The following SLC16A13 variants were observed in gnomAD, a reference collection of about 807,000 sequenced individuals.
The protein encoded by SLC16A13 is solute carrier family 16 member 13.
SLC16A13 carries 28 observed loss-of-function variants against 28.1 expected under a neutral mutation model. The observed-to-expected ratio is 1.00, with a 90% confidence interval of 0.74 to 1.37. SLC16A13 has a LOEUF of 1.37. Ranked by LOEUF, SLC16A13 falls within the 40% of genes most tolerant of loss-of-function variation. SLC16A13 has a pLI of 0.00. For missense variants in SLC16A13, 482 were observed against 531.8 expected, an observed-to-expected ratio of 0.91 and a Z score of 0.92; for synonymous variants, 228 against 241.6, an observed-to-expected ratio of 0.94 and a Z score of 0.52.
In SLC16A13 at chr17:7,036,175, G is replaced by A. The variant is rs1481700687; in HGVS notation, c.-208G>A. 1 of 521,936 alleles carries A rather than the reference G, an allele frequency of 1.9e-6. No individual in the cohort carries two copies. Among genetic ancestry groups the A allele is most frequent in the Non-Finnish European group, 3.4e-6 (1 of 297,476 alleles). The allele number at this position is 521,936 out of a possible 1,614,324, so 32.3% of individuals were successfully genotyped here. ...CGGGAGACTCTGGCCCGGCCAGCGC[G>A]GGCCAGGTCTTCAGTCCTATATCGC... On this transcript the variant is annotated 5_prime_UTR_variant, in exon 1 of 4. Transcript: ENST00000308027.
In SLC16A13 at chr17:7,038,130, A is replaced by C. The variant is rs368188490; in HGVS notation, c.344-22A>C. On this transcript the variant is annotated intron_variant, in intron 2 of 3. Coordinates refer to ENST00000308027, the MANE Select transcript of SLC16A13 (RefSeq NM_201566.3). The surrounding 1 kb of genome is among the most constrained non-coding windows in gnomAD (Gnocchi z 5.7). ...CTTGAGCTCCCTAAGAGTTCTCAACACCACTTCTTCCTTTTTGACAGGCTC... is the reference window on the plus strand; with the variant it reads ...CTTGAGCTCCCTAAGAGTTCTCAACCCCACTTCTTCCTTTTTGACAGGCTC... 5 of 1,598,922 alleles carry C rather than the reference A, an allele frequency of 3.1e-6. No homozygotes were observed. The highest frequency in any genetic ancestry group is 3.4e-6 in the Non-Finnish European group (4 of 1,172,528).
rs1327062804 is a variant in SLC16A13, at chr17:7,039,333, G to A, written c.1082-430G>A. Among the ~76,000 whole-genome samples the A allele has an allele frequency of 3.9e-5, 6 of 152,082 alleles. No individual in the cohort carries two copies. The highest frequency in any genetic ancestry group is 9.7e-5 in the African/African-American group (4 of 41,402). On this transcript the variant is annotated intron_variant, in intron 3 of 3. Coordinates refer to ENST00000308027, the MANE Select transcript of SLC16A13 (RefSeq NM_201566.3). The surrounding 1 kb of genome is among the most constrained non-coding windows in gnomAD (Gnocchi z 4.3). ...TTTAGAAAGGCCACAGTTGGTGGGC[G>A]CCTGTAGTCCCAGCTACTCAGGAGG...
Position 7,038,133 on chromosome 17 carries a change from ACTT to A in SLC16A13, c.344-14_344-12del, listed in dbSNP as rs769190357. ...GAGCTCCCTAAGAGTTCTCAACACC[ACTT>A]CTTCCTTTTTGACAGGCTCTGGCTG... is the stretch of plus-strand genomic sequence containing the variant. On this transcript the variant is annotated splice_polypyrimidine_tract_variant and intron_variant, in intron 2 of 3. Transcript: ENST00000308027. This position sits in a 1 kb window ranked among gnomAD's most constrained non-coding sequence, Gnocchi z 5.7. 2 of 1,601,214 alleles carry A rather than the reference ACTT, an allele frequency of 1.2e-6. No individual in the cohort carries two copies. Among genetic ancestry groups the A allele is most frequent in the South Asian group, 1.1e-5 (1 of 89,714 alleles).
chr17:7,036,508 G>T lies in SLC16A13; in HGVS notation c.126G>T (p.Val42=), dbSNP rs1235117785. 5.6e-6 allele frequency: 9 copies of T among 1,612,542 alleles called. No individual in the cohort carries two copies. In the East Asian group the frequency reaches 1.8e-4, roughly 32 times the overall value. Residue 42 remains valine (V), a synonymous_variant, in exon 1 of 4, where the codon GTG becomes GTT. Transcript: ENST00000308027. ...TTGGGGTCTTCTTCGTGGAGTTTGT[G>T]GCGGCGTTTGAGGAGCAGGCAGCGC... ...RSFGVFFVEF[V]AAFEEQAARV...
Position 7,039,662 on chromosome 17 carries a change from C to A in SLC16A13, c.1082-101C>A. The A allele has an allele frequency of 8.0e-7, 1 of 1,257,718 alleles. No homozygotes were observed. Among genetic ancestry groups the A allele is most frequent in the South Asian group, 1.3e-5 (1 of 76,056 alleles). The allele number at this position is 1,257,718 out of a possible 1,614,324, so 77.9% of individuals were successfully genotyped here. On this transcript the variant is annotated intron_variant, in intron 3 of 3. Transcript: ENST00000308027. The surrounding 1 kb of genome is among the most constrained non-coding windows in gnomAD (Gnocchi z 4.3). Reference sequence around the variant, plus strand: ...AACTATTCCATGGGAGTTCCAACTCCTCTGAGATGATAAGTCTTCCCTCCA... The same window carrying A: ...AACTATTCCATGGGAGTTCCAACTCATCTGAGATGATAAGTCTTCCCTCCA...
Position 7,036,782 on chromosome 17 carries a change from T to G in SLC16A13, c.255T>G (p.Thr85=), listed in dbSNP as rs1318513135. The G allele has an allele frequency of 1.9e-6, 3 of 1,613,820 alleles. No homozygotes were observed. Among genetic ancestry groups the G allele is most frequent in the Non-Finnish European group, 2.5e-6 (3 of 1,180,048 alleles). ...TKFGPRPVVM[T]GGILAALGML... is the part of the protein sequence containing the mutation. ...TCGGGCCCAGGCCCGTGGTGATGAC[T>G]GGAGGCATCTTGGCTGCGCTGGGGA... The change falls in exon 2 of 4, where the codon ACT becomes ACG. Residue 85 remains threonine, a synonymous_variant. Transcript: ENST00000308027.
At chr17:7,037,721 G>A (rs971644716) in intron 2 of SLC16A13, among the ~76,000 whole-genome samples, 10 of 110,858 alleles carry the variant, frequency 9.0e-5, no homozygotes, top group African/African-American at 2.4e-4. Flanking sequence ...GCGAGACTCC[G>A]TCTCAAAAAA....
At chr17:7,036,698 T>C (rs766671426) in intron 1 of SLC16A13, 29 bp from the exon 2 acceptor site, 13 of 1,609,514 alleles carry the variant, frequency 8.1e-6, no homozygotes, top group Non-Finnish European at 1.1e-5. Flanking sequence ...CCCTGAGATC[T>C]TCTCGCAGCG....
rs1910653802 is a variant in SLC16A13, at chr17:7,038,893, A to G, written c.1081+4A>G. ...CTGCTGGGGCCTCCTCTCTCAGGTA[A>G]GTGGAATGGGGTTCCCAGGGGGTGA... On this transcript the variant is annotated splice_donor_region_variant and intron_variant, in intron 3 of 3. Transcript: ENST00000308027. This position sits in a 1 kb window ranked among gnomAD's most constrained non-coding sequence, Gnocchi z 5.7. The G allele has an allele frequency of 1.3e-5, 20 of 1,599,176 alleles. No individual in the cohort carries two copies. In the East Asian group the frequency reaches 4.5e-4, roughly 36 times the overall value.
Position 7,039,749 on chromosome 17 carries a change from T to C in SLC16A13, c.1082-14T>C. The C allele has an allele frequency of 6.2e-7, 1 of 1,613,946 alleles. No homozygotes were observed. Among genetic ancestry groups the C allele is most frequent in the South Asian group, 1.1e-5 (1 of 91,074 alleles). On this transcript the variant is annotated splice_polypyrimidine_tract_variant and intron_variant, in intron 3 of 3. Coordinates refer to ENST00000308027, the MANE Select transcript of SLC16A13 (RefSeq NM_201566.3). This position sits in a 1 kb window ranked among gnomAD's most constrained non-coding sequence, Gnocchi z 4.3. ...AGATCACTCATGTGTATTCTTTTTCTCTCTTGGACCTAGGCTACCTCCGGG... is the reference window on the plus strand; with the variant it reads ...AGATCACTCATGTGTATTCTTTTTCCCTCTTGGACCTAGGCTACCTCCGGG...
rs1910573129 is a variant in SLC16A13 at position 7,036,160 on chromosome 17, T to C, written c.-223T>C. On this transcript the variant is annotated 5_prime_UTR_variant, in exon 1 of 4. Coordinates refer to ENST00000308027, the MANE Select transcript of SLC16A13 (RefSeq NM_201566.3). ...GCGGAACCACGCCCCCGGGAGACTC[T>C]GGCCCGGCCAGCGCGGGCCAGGTCT... 2 of 499,358 alleles carry C rather than the reference T, an allele frequency of 4.0e-6. No homozygotes were observed. Among genetic ancestry groups the C allele is most frequent in the African/African-American group, 1.9e-5 (1 of 51,968 alleles). 30.9% of individuals were successfully genotyped at this position (499,358 alleles called of 1,614,324 possible).
Position 7,036,116 on chromosome 17 carries a change from C to A in SLC16A13, c.-267C>A. The A allele has an allele frequency of 2.4e-6, 1 of 413,998 alleles. No homozygotes were observed. Among genetic ancestry groups the A allele is most frequent in the Non-Finnish European group, 4.3e-6 (1 of 230,792 alleles). The allele number at this position is 413,998 out of a possible 1,614,324, so 25.6% of individuals were successfully genotyped here. Reference sequence around the variant, plus strand: ...GGGACCGATCCGGCCCCGGCTTGAACTAGCTCAGCTCCGAGCTCGCGGAAC... The same window carrying A: ...GGGACCGATCCGGCCCCGGCTTGAAATAGCTCAGCTCCGAGCTCGCGGAAC... On this transcript the variant is annotated 5_prime_UTR_variant, in exon 1 of 4. Coordinates refer to ENST00000308027, the MANE Select transcript of SLC16A13 (RefSeq NM_201566.3).
chr17:7,039,644 C>A lies in SLC16A13; in HGVS notation c.1082-119C>A. On this transcript the variant is annotated intron_variant, in intron 3 of 3. Transcript: ENST00000308027. The surrounding 1 kb of genome is among the most constrained non-coding windows in gnomAD (Gnocchi z 4.3). The stretch of plus-strand genomic sequence containing the variant: ...GAGTTCTTAAGTTTATCCAACTATT[C>A]CATGGGAGTTCCAACTCCTCTGAGA... The A allele has an allele frequency of 1.9e-6, 2 of 1,038,352 alleles. No homozygotes were observed. Among genetic ancestry groups the A allele is most frequent in the Non-Finnish European group, 2.9e-6 (2 of 700,516 alleles). 64.3% of individuals were successfully genotyped at this position (1,038,352 alleles called of 1,614,324 possible). A position where few individuals can be genotyped will look rare whatever the true frequency, so the allele number is the denominator to read the frequency against.
Position 7,039,539 on chromosome 17 carries a change from C to T in SLC16A13, c.1082-224C>T, listed in dbSNP as rs1212833224. On this transcript the variant is annotated intron_variant, in intron 3 of 3. Coordinates refer to ENST00000308027, the MANE Select transcript of SLC16A13 (RefSeq NM_201566.3). This position sits in a 1 kb window ranked among gnomAD's most constrained non-coding sequence, Gnocchi z 4.3. ...CCTGACTCAATCTGGATCTCCAAAT[C>T]CCTGCAGGCTGGTTTGGAGGTCCTT... is the stretch of plus-strand genomic sequence containing the variant. Among the ~76,000 whole-genome samples, 2 of 151,960 alleles carry T rather than the reference C, an allele frequency of 1.3e-5. No individual in the cohort carries two copies. The highest frequency in any genetic ancestry group is 2.9e-5 in the Non-Finnish European group (2 of 68,022).
rs1404411922 is a variant in SLC16A13, at chr17:7,036,411, G to C, written c.29G>C (p.Gly10Ala). 1 of 1,611,742 alleles carries C rather than the reference G, an allele frequency of 6.2e-7. No individual in the cohort carries two copies. Among genetic ancestry groups the C allele is most frequent in the Non-Finnish European group, 8.5e-7 (1 of 1,179,830 alleles). The change falls in exon 1 of 4, where the codon GGG becomes GCG. Residue 10 changes from glycine to alanine, a missense_variant. Gly to Ala is a moderately conservative substitution (Grantham distance 60). Coordinates refer to ENST00000308027, the MANE Select transcript of SLC16A13 (RefSeq NM_201566.3). ...GCGCGCAGGACAGAGCCCCCCGACG[G>C]GGGCTGGGGATGGGTGGTGGTGCTC... is the stretch of plus-strand genomic sequence containing the variant. Reference protein sequence around the residue: MARRTEPPDGGWGWVVVLSA... With the variant: MARRTEPPDAGWGWVVVLSA...
Position 7,036,159 on chromosome 17 carries a change from C to G in SLC16A13, c.-224C>G, listed in dbSNP as rs1910573072. On this transcript the variant is annotated 5_prime_UTR_variant, in exon 1 of 4. Transcript: ENST00000308027. The stretch of plus-strand genomic sequence containing the variant: ...CGCGGAACCACGCCCCCGGGAGACT[C>G]TGGCCCGGCCAGCGCGGGCCAGGTC... The G allele has an allele frequency of 2.0e-6, 1 of 498,878 alleles. No homozygotes were observed. The highest frequency in any genetic ancestry group is 1.9e-5 in the African/African-American group (1 of 51,882). The allele number at this position is 498,878 out of a possible 1,614,324, so 30.9% of individuals were successfully genotyped here.
chr17:7,038,129 C>A lies in SLC16A13; in HGVS notation c.344-23C>A. The A allele has an allele frequency of 6.3e-7, 1 of 1,598,104 alleles. No homozygotes were observed. On this transcript the variant is annotated intron_variant, in intron 2 of 3. Coordinates refer to ENST00000308027, the MANE Select transcript of SLC16A13 (RefSeq NM_201566.3). The surrounding 1 kb of genome is among the most constrained non-coding windows in gnomAD (Gnocchi z 5.7). ...CCTTGAGCTCCCTAAGAGTTCTCAA[C>A]ACCACTTCTTCCTTTTTGACAGGCT...
In SLC16A13 at chr17:7,037,704, C is replaced by T. The variant is rs144469648; in HGVS notation, c.344-448C>T. On this transcript the variant is annotated intron_variant, in intron 2 of 3. Transcript: ENST00000308027. ...TTGCACCACTGCACTCCAGCCTGGG[C>T]GACAGAGCGAGACTCCGTCTCAAAA... Among the ~76,000 whole-genome samples, 1,403 of 146,668 alleles carry T rather than the reference C, an allele frequency of 9.6e-3. 24 individuals carry two copies. The highest frequency in any genetic ancestry group is 0.032 in the African/African-American group (1,289 of 39,812).
At position 7,038,790 on chromosome 17, in the gene SLC16A13, G is replaced by A. The variant is rs755108195; in HGVS notation, c.982G>A (p.Val328Met). ...GGCTCTGGCCCCACTGGCCTTCTCC[G>A]TGCTGCCTGAACTAATAGGGACTAG... The part of the protein sequence containing the change: ...SGALAPLAFS[V>M]LPELIGTRRI... Residue 328 changes from valine to methionine, a missense_variant, in exon 3 of 4, where the codon GTG becomes ATG. Coordinates refer to ENST00000308027, the MANE Select transcript of SLC16A13 (RefSeq NM_201566.3). The surrounding 1 kb of genome is among the most constrained non-coding windows in gnomAD (Gnocchi z 5.7). 6.2e-6 allele frequency: 10 copies of A among 1,613,870 alleles called. No individual in the cohort carries two copies. The African/African-American group carries it at 6.7e-5, about 11-fold the overall frequency.
Sources: allele counts gnomAD v4.1 joint callset (sites outside exome capture counted in the v4.1 genomes callset), GRCh38; gene constraint gnomAD v4.1.1; non-coding constraint Gnocchi (gnomAD v3.1); transcripts MANE v1.5; gene names NCBI Gene and HGNC (gene_info 2026-07-23, HGNC 2026-07-21).